Variants in TNPO3 observed in about 807,000 individuals in gnomAD.
TNPO3 encodes the protein transportin 3, also known as transportin-3.
Under a neutral mutation model 122.8 loss-of-function variants are expected in TNPO3, and 65 were observed. That is an observed-to-expected ratio of 0.53 (90% CI 0.43 to 0.65). TNPO3 has a LOEUF of 0.65. TNPO3 is among the 30% of genes least tolerant of loss of function. The probability of loss-of-function intolerance (pLI) is 0.00; values close to 1 mark genes in which losing one functional copy is unlikely to be tolerated. For missense variants in TNPO3, 850 were observed against 1,136.7 expected (o/e 0.75, Z 3.63); for synonymous variants, 372 against 411.2 (o/e 0.90, Z 1.15).
chr7:128,992,198 C>T, intron 9 of TNPO3, 108 bp from the exon 10 acceptor site: 1 of 572,884 alleles, frequency 1.7e-6, no homozygotes, highest in East Asian at 3.0e-5. Flanking sequence ...GTTTCTAAAT[C>T]TAATTACCTC....
chr7:128,998,001 CT>C, intron 7 of TNPO3, among the ~76,000 whole-genome samples: 1 of 144,804 alleles, frequency 6.9e-6, no homozygotes, highest in Non-Finnish European at 1.5e-5. Flanking sequence ...CCAAGCTCAG[CT>C]AATTTTTTTT....
At chr7:129,050,325 A>G (rs937140988) in intron 1 of TNPO3, among the ~76,000 whole-genome samples, 8 of 134,894 alleles carry the variant, frequency 5.9e-5, no homozygotes, top group Admixed American at 2.5e-4. Context: ...CGGAGCTTGC[A>G]GTGAGCTGAG....
At position 129,005,284 on chromosome 7, in the gene TNPO3, TTTTAAG is replaced by T. The variant is rs1478297900; in HGVS notation, c.553-131_553-126del. 4 of 954,912 alleles carry T rather than the reference TTTTAAG, an allele frequency of 4.2e-6. No individual in the cohort carries two copies. The African/African-American group carries it at 5.1e-5, about 12-fold the overall frequency. 59.2% of individuals were successfully genotyped at this position (954,912 alleles called of 1,614,324 possible). A position where few individuals can be genotyped will look rare whatever the true frequency, so the allele number is the denominator to read the frequency against. On this transcript the variant is annotated intron_variant, in intron 4 of 22. Coordinates refer to ENST00000265388, the MANE Select transcript of TNPO3 (RefSeq NM_012470.4). The stretch of plus-strand genomic sequence containing the variant: ...AAAACAGCCAACGGTTAAAAGTGCT[TTTTAAG>T]TTTAAGTGTCACTGTTTTTTTTTTT...
chr7:128,986,414 G>T (rs1181244214), intron 12 of TNPO3, among the ~76,000 whole-genome samples: 1 of 152,106 alleles, frequency 6.6e-6, no homozygotes, highest in African/African-American at 2.4e-5. Flanking sequence ...TGCTTCTTTG[G>T]TCTCCCTTTT....
chr7:128,990,149 T>A (rs1432092781), intron 10 of TNPO3, 49 bp from the exon 11 acceptor site: 3 of 1,611,718 alleles, frequency 1.9e-6, no homozygotes, highest in Non-Finnish European at 2.5e-6. Context: ...AGAGGTTATA[T>A]TCTGGCCAAA....
intron 7 of TNPO3, among the ~76,000 whole-genome samples, chr7:128,999,713 C>G (rs1801722151): frequency 6.6e-6 from 1 of 151,784 alleles, no homozygotes; most frequent in Admixed American, 6.6e-5. Flanking sequence ...CAGGTTCAAG[C>G]AATTCTCCTG....
intron 1 of TNPO3, among the ~76,000 whole-genome samples, chr7:129,052,656 C>G (rs6961014): frequency 0.73 from 110,829 of 152,116 alleles, 40,931 homozygotes; most frequent in Middle Eastern, 0.78. Flanking sequence ...ACTTTTCTAA[C>G]CTCTTCGTAG....
At chr7:129,007,741 C>T (rs1466896768) in intron 4 of TNPO3, among the ~76,000 whole-genome samples, 1 of 152,196 alleles carries the variant, frequency 6.6e-6, no homozygotes, top group East Asian at 1.9e-4. Context: ...GAGAAATTAA[C>T]CACGTAACTA....
At chr7:129,054,503 T>C (rs951006276) in intron 1 of TNPO3, 148 bp downstream of exon 1, 3 of 1,285,130 alleles carry the variant, frequency 2.3e-6, no homozygotes, top group East Asian at 5.1e-5. Flanking sequence ...GCGGCAAAGA[T>C]GTAGCTTCGC....
intron 16 of TNPO3, 93 bp from the exon 17 acceptor site, chr7:128,976,028 TG>T: frequency 3.5e-6 from 3 of 866,208 alleles, no homozygotes; most frequent in Non-Finnish European, 5.9e-6. Flanking sequence ...AGAGATAGAT[TG>T]GCTTCTTCTC....
intron 1 of TNPO3, among the ~76,000 whole-genome samples, chr7:129,034,839 G>A (rs1454172814): frequency 1.4e-5 from 2 of 142,946 alleles, no homozygotes; most frequent in African/African-American, 5.2e-5. Flanking sequence ...AGCTTGCAGT[G>A]AGCAGAGATC....
intron 4 of TNPO3, among the ~76,000 whole-genome samples, chr7:129,006,137 AC>A (rs1275912564): frequency 6.6e-6 from 1 of 152,084 alleles, no homozygotes; most frequent in Non-Finnish European, 1.5e-5. Context: ...CCCAAATACA[AC>A]TTTATAGGTA....
chr7:129,031,302 AAAAG>A (rs113746995), intron 1 of TNPO3, among the ~76,000 whole-genome samples: 11 of 151,790 alleles, frequency 7.2e-5, no homozygotes, highest in East Asian at 3.9e-4. Context: ...TCTATGTCAA[AAAAG>A]AAAGAAAGAA....
In TNPO3 at chr7:128,970,185, G is replaced by C. The variant is rs745976142; in HGVS notation, c.2561C>G (p.Ala854Gly). Residue 854 changes from alanine (A) to glycine (G), a missense_variant, in exon 20 of 23, where the codon GCT (alanine) becomes GGT (glycine). Ala to Gly is a moderately conservative substitution (Grantham distance 60, BLOSUM62 0). Transcript: ENST00000265388. ...CTGCATGATCTCCCAGAGCACTTCA[G>C]CCACATCTGGTAGGGTATAGGGGGG... ...CLPPYTLPDV[A>G]EVLWEIMQVD... The C allele has an allele frequency of 5.6e-6, 9 of 1,614,084 alleles. No individual in the cohort carries two copies.
intron 1 of TNPO3, among the ~76,000 whole-genome samples, chr7:129,032,299 A>C (rs73721686): frequency 6.6e-6 from 1 of 152,334 alleles, no homozygotes; most frequent in African/African-American, 2.4e-5. Context: ...CAGGAACAAG[A>C]CTAGGATATC....
intron 7 of TNPO3, 149 bp downstream of exon 7, chr7:129,000,279 TA>T: frequency 3.4e-5 from 32 of 933,084 alleles, no homozygotes; most frequent in Non-Finnish European, 4.8e-5. Flanking sequence ...ATAATTTTTT[TA>T]AAAAATTCCA....
At chr7:129,021,070 G>T (rs1485669699) in intron 1 of TNPO3, among the ~76,000 whole-genome samples, 1 of 151,970 alleles carries the variant, frequency 6.6e-6, no homozygotes, top group East Asian at 1.9e-4. Context: ...AATGGAGGAG[G>T]TTTGGCCGGG....
Position 129,054,880 on chromosome 7 carries a change from T to G in TNPO3, c.-110A>C. On this transcript the variant is annotated 5_prime_UTR_variant, in exon 1 of 23. Transcript: ENST00000265388. ...GTCTGGGCCACGGCCGCTCCCTGAC[T>G]GGCGCCATCTCCTCCTCTTTGGCCG... 1 of 1,441,422 alleles carries G rather than the reference T, an allele frequency of 6.9e-7. No individual in the cohort carries two copies. The highest frequency in any genetic ancestry group is 1.2e-5 in the South Asian group (1 of 81,630). 89.3% of individuals were successfully genotyped at this position (1,441,422 alleles called of 1,614,324 possible).
intron 1 of TNPO3, among the ~76,000 whole-genome samples, chr7:129,039,637 T>C (rs1248573320): frequency 6.6e-6 from 1 of 152,202 alleles, no homozygotes; most frequent in African/African-American, 2.4e-5. Flanking sequence ...ATTATAGCAC[T>C]ATTCACAAAC....
Sources: gnomAD v4.1 joint callset for allele counts (sites outside exome capture counted in the v4.1 genomes callset) on GRCh38, gnomAD v4.1.1 for gene constraint, MANE v1.5 for transcripts, NCBI Gene and HGNC (gene_info 2026-07-23, HGNC 2026-07-21) for gene names.